The following COL12A1 variants were observed in gnomAD, a reference collection of about 807,000 sequenced individuals.
COL12A1 encodes the protein collagen type XII alpha 1 chain, also known as collagen alpha-1(XII) chain.
A neutral mutation model predicts 349.7 loss-of-function variants in COL12A1; 114 were observed. That is an observed-to-expected ratio of 0.33 (90% confidence interval 0.28 to 0.38). The LOEUF is 0.38. Ranked by LOEUF, COL12A1 falls within the 10% of genes least tolerant of loss-of-function variation. The pLI is 1.00. For missense variants in COL12A1, 3,284 were observed against 3,756.9 expected (o/e 0.87, Z 3.29); for synonymous variants, 1,369 against 1,329.0 (o/e 1.03, Z -0.66).
intron 15 of COL12A1, 72 bp downstream of exon 15, chr6:75,156,185 A>C (rs1219484056): frequency 1.3e-6 from 2 of 1,531,638 alleles, no homozygotes; most frequent in Non-Finnish European, 8.9e-7. Flanking sequence ...TTACAAATGA[A>C]GTAGACATAC....
Position 75,085,117 on chromosome 6 carries a change from T to C in COL12A1, c.*1430A>G. ...GAAACACCTCAGAAAAGACGTACAC[T>C]GCTCTATCTGACCTGTAAATGAGAA... is the stretch of plus-strand genomic sequence containing the variant. On this transcript the variant is annotated 3_prime_UTR_variant, in exon 66 of 66. Transcript: ENST00000322507. The C allele has an allele frequency of 2.5e-6, 1 of 406,340 alleles. No individual in the cohort carries two copies. The highest frequency in any genetic ancestry group is 1.7e-5 in the South Asian group (1 of 57,464). The allele number at this position is 406,340 out of a possible 1,614,324, so 25.2% of individuals were successfully genotyped here.
intron 2 of COL12A1, among the ~76,000 whole-genome samples, chr6:75,199,563 T>C (rs1478402528): frequency 6.6e-6 from 1 of 152,214 alleles, no homozygotes; most frequent in African/African-American, 2.4e-5. Flanking sequence ...ATTAGAAAAG[T>C]GCCCAGTTCT....
chr6:75,156,389 C>G lies in COL12A1; in HGVS notation c.3118G>C (p.Val1040Leu), dbSNP rs556953110. 1 of 1,613,908 alleles carries G rather than the reference C, an allele frequency of 6.2e-7. No homozygotes were observed. Among genetic ancestry groups the G allele is most frequent in the Non-Finnish European group, 8.5e-7 (1 of 1,179,878 alleles). Reference protein sequence around the residue: ...YRPHGRGKQMVAKVPPTVTST... With the variant: ...YRPHGRGKQMLAKVPPTVTST... ...GTGACTGTGGGGGGCACCTTAGCAA[C>G]CATTTGCTTCCCTCTCCCATGAGGG... The change falls in exon 15 of 66, where the codon GTT becomes CTT. Residue 1040 changes from valine (V) to leucine (L), a missense_variant. By Grantham distance (32) the Val-to-Leu change is conservative. Around this residue, in one of 2 missense-constraint regions of COL12A1, gnomAD observed 2,601 missense variants for 2,824.8 expected, o/e 0.92. Transcript: ENST00000322507.
rs572531941 is a variant in COL12A1, at chr6:75,152,418, G to A, written c.3630C>T (p.Ile1210=). The A allele has an allele frequency of 2.1e-4, 343 of 1,613,624 alleles. 2 individuals are homozygous for A. In the South Asian group the frequency reaches 3.1e-3, roughly 14 times the overall value. ...TCACGGTTCTAAAATTTGCCCGGCC[G>A]ATGCTCCATGATCCATCCACCAGCA... The part of the protein sequence containing the change: ...IVLLVDGSWS[I]GRANFRTVRS... Residue 1210 remains isoleucine, a synonymous_variant, in exon 18 of 66, where the codon ATC becomes ATT. Coordinates refer to ENST00000322507, the MANE Select transcript of COL12A1 (RefSeq NM_004370.6).
Position 75,115,891 on chromosome 6 carries a change from T to A in COL12A1, c.7590A>T (p.Thr2530=), listed in dbSNP as rs1769052867. ...GFKMLEAYNL[T]EKNFASVQGV... ...CTTGTACAGAAGCAAAATTCTTTTC[T>A]GTCAGGTTGTATGCTTCAAGCATTT... Residue 2530 remains threonine (T), a synonymous_variant, in exon 49 of 66, where the codon ACA becomes ACT. Transcript: ENST00000322507. The A allele has an allele frequency of 6.2e-7, 1 of 1,613,400 alleles. No homozygotes were observed. The highest frequency in any genetic ancestry group is 1.7e-5 in the Admixed American group (1 of 59,910).
At chr6:75,140,432 G>A (rs1213609018) in intron 27 of COL12A1, among the ~76,000 whole-genome samples, 6 of 152,042 alleles carry the variant, frequency 3.9e-5, no homozygotes, top group African/African-American at 1.4e-4. Flanking sequence ...CGAGGCGGGC[G>A]GATCACGAGG....
At chr6:75,098,859 C>T (rs1768175241) in intron 58 of COL12A1, among the ~76,000 whole-genome samples, 1 of 152,164 alleles carries the variant, frequency 6.6e-6, no homozygotes, top group African/African-American at 2.4e-5. Context: ...CTCGTGCGCC[C>T]ACATTTATAT....
rs1398857704 is a variant in COL12A1 at position 75,189,726 on chromosome 6, A to G, written c.484T>C (p.Phe162Leu). 1 of 1,613,378 alleles carries G rather than the reference A, an allele frequency of 6.2e-7. No individual in the cohort carries two copies. Among genetic ancestry groups the G allele is most frequent in the Admixed American group, 1.7e-5 (1 of 59,924 alleles). The change falls in exon 6 of 66, where the codon TTC (phenylalanine) becomes CTC (leucine). Residue 162 changes from phenylalanine to leucine, a missense_variant. By Grantham distance (22) the Phe-to-Leu change is conservative (BLOSUM62 0). Transcript: ENST00000322507. ...AAAGCAGACACAAGAGCAGCAATGA[A>G]GTCTAAAATGTACTTGAAATTATTT... ...GRNNFKYILD[F>L]IAALVSAFDI...
In COL12A1 at chr6:75,183,936, G is replaced by A. The variant is rs1769470276; in HGVS notation, c.1206C>T (p.Ile402=). The A allele has an allele frequency of 6.2e-7, 1 of 1,614,048 alleles. No individual in the cohort carries two copies. The highest frequency in any genetic ancestry group is 1.3e-5 in the African/African-American group (1 of 74,928). The part of the protein sequence containing the change: ...RDLSADTEYQ[I]SVSAMKGMTS... ...TCATTCCCTTCATGGCGGAAACACT[G>A]ATCTGGTATTCTGTGTCTGCTGAGA... Residue 402 remains isoleucine, a synonymous_variant, in exon 9 of 66, where the codon ATC becomes ATT. Coordinates refer to ENST00000322507, the MANE Select transcript of COL12A1 (RefSeq NM_004370.6).
At chr6:75,115,738 T>C (rs1769043702) in intron 49 of COL12A1, 46 bp downstream of exon 49, 1 of 1,555,596 alleles carries the variant, frequency 6.4e-7, no homozygotes, top group African/African-American at 1.4e-5. Context: ...TCCAAGAACT[T>C]TTTGCAGGTC....
intron 27 of COL12A1, among the ~76,000 whole-genome samples, chr6:75,140,500 C>CA (rs1200911751): frequency 6.6e-6 from 1 of 151,876 alleles, no homozygotes; most frequent in Middle Eastern, 3.4e-3. Context: ...ACTAAAAACA[C>CA]AAAAAATTAG....
chr6:75,200,322 C>T (rs1424165676), intron 2 of COL12A1, among the ~76,000 whole-genome samples: 2 of 152,200 alleles, frequency 1.3e-5, no homozygotes, highest in Non-Finnish European at 2.9e-5. Context: ...CCTGTAATCC[C>T]AGCACTTTGG....
chr6:75,128,356 T>C lies in COL12A1; in HGVS notation c.6280A>G (p.Thr2094Ala). The C allele has an allele frequency of 1.9e-6, 3 of 1,610,326 alleles. No homozygotes were observed. The highest frequency in any genetic ancestry group is 1.7e-4 in the Middle Eastern group (1 of 6,050). The change falls in exon 38 of 66, where the codon ACT becomes GCT. Residue 2094 changes from threonine (T) to alanine (A), a missense_variant. By Grantham distance (58) the Thr-to-Ala change is moderately conservative. Transcript: ENST00000322507. ...CCATCTTCATAAACAGCAATAACAG[T>C]AATTTTATATGGAGTGTCAGGTTGC... Reference protein sequence around the residue: ...PLQPDTPYKITVIAVYEDGDG... With the variant: ...PLQPDTPYKIAVIAVYEDGDG...
chr6:75,102,606 C>A lies in COL12A1; in HGVS notation c.8406G>T (p.Pro2802=). ...GPQGPNGLSI[P]GEQGRQGMKG... is the part of the protein sequence containing the mutation. ...AAGGCTTTGTGCTTACTTGCTCTCC[C>A]GGAATAGAGAGTCCATTGGGTCCCT... The change falls in exon 56 of 66, where the codon CCG becomes CCT. Residue 2802 remains proline, a synonymous_variant. Coordinates refer to ENST00000322507, the MANE Select transcript of COL12A1 (RefSeq NM_004370.6). 1 of 1,540,866 alleles carries A rather than the reference C, an allele frequency of 6.5e-7. No homozygotes were observed. The highest frequency in any genetic ancestry group is 8.7e-7 in the Non-Finnish European group (1 of 1,145,658).
chr6:75,137,319 C>T lies in COL12A1; in HGVS notation c.5394+118G>A, dbSNP rs532600675. The T allele has an allele frequency of 1.1e-5, 10 of 921,382 alleles. No individual in the cohort carries two copies. In the South Asian group the frequency reaches 1.1e-4, roughly 10 times the overall value. The allele number at this position is 921,382 out of a possible 1,614,324, so 57.1% of individuals were successfully genotyped here. A position where few individuals can be genotyped will look rare whatever the true frequency, so the allele number is the denominator to read the frequency against. ...AAGAGTCAGATTATTCCATCCAATG[C>T]GATAAATCTTAATATCCCTTAAAAA... On this transcript the variant is annotated intron_variant, in intron 31 of 65. Coordinates refer to ENST00000322507, the MANE Select transcript of COL12A1 (RefSeq NM_004370.6).
intron 12 of COL12A1, 152 bp from the exon 13 acceptor site, chr6:75,175,462 C>G: frequency 1.2e-6 from 1 of 851,820 alleles, no homozygotes; most frequent in South Asian, 1.8e-5. Flanking sequence ...GCCAACAAAG[C>G]TTAAGCATCT....
intron 2 of COL12A1, among the ~76,000 whole-genome samples, chr6:75,196,946 C>T (rs1253967740): frequency 6.6e-6 from 1 of 152,184 alleles, no homozygotes; most frequent in Non-Finnish European, 1.5e-5. Context: ...AAGTCTTTAA[C>T]ATTTCAGAGG....
Position 75,128,337 on chromosome 6 carries a change from T to C in COL12A1, c.6299A>G (p.Glu2100Gly), listed in dbSNP as rs773927603. The C allele has an allele frequency of 6.2e-7, 1 of 1,608,032 alleles. No individual in the cohort carries two copies. The highest frequency in any genetic ancestry group is 1.3e-5 in the African/African-American group (1 of 74,748). The change falls in exon 38 of 66, where the codon GAA becomes GGA. Residue 2100 changes from glutamate (E) to glycine (G), a missense_variant. Coordinates refer to ENST00000322507, the MANE Select transcript of COL12A1 (RefSeq NM_004370.6). ...PYKITVIAVY[E>G]DGDGGHLTGN... Reference sequence around the variant, plus strand: ...TGTTAGATGGCCACCATCTCCATCTTCATAAACAGCAATAACAGTAATTTT... The same window carrying C: ...TGTTAGATGGCCACCATCTCCATCTCCATAAACAGCAATAACAGTAATTTT...
At chr6:75,187,184 T>G (rs1769671808) in intron 8 of COL12A1, among the ~76,000 whole-genome samples, 1 of 147,130 alleles carries the variant, frequency 6.8e-6, no homozygotes, top group Non-Finnish European at 1.5e-5. Flanking sequence ...ATATTTAAAA[T>G]GATGTTTAAG....
Sources: allele counts gnomAD v4.1 joint callset (sites outside exome capture counted in the v4.1 genomes callset), GRCh38; gene constraint gnomAD v4.1.1; regional missense constraint gnomAD v4.1.1; transcripts MANE v1.5; gene names NCBI Gene and HGNC (gene_info 2026-07-23, HGNC 2026-07-21).